Variants in BHLHE40 observed in about 807,000 individuals in gnomAD.
BHLHE40 encodes basic helix-loop-helix family member e40.
In BHLHE40, 3 loss-of-function variants were observed where a neutral mutation model predicts 35.7. That is an observed-to-expected ratio of 0.08 (90% CI 0.04 to 0.22). The LOEUF (loss-of-function observed/expected upper bound fraction) is 0.22, where lower values mean the gene tolerates loss of function less well. Among genes scored for constraint, BHLHE40 ranks in the 10% least tolerant of loss-of-function variants. The probability of loss-of-function intolerance (pLI) is 1.00; values close to 1 mark genes in which losing one functional copy is unlikely to be tolerated. For synonymous variants in BHLHE40, 236 were observed against 213.0 expected, an observed-to-expected ratio of 1.11 and a Z score of -0.94; for missense variants, 486 against 524.0, an observed-to-expected ratio of 0.93 and a Z score of 0.71.
rs1283194152 is a variant in BHLHE40 at position 4,979,442 on chromosome 3, C to CT, written c.-275dup. The CT allele has an allele frequency of 5.2e-6, 1 of 190,534 alleles. No homozygotes were observed. Among genetic ancestry groups the CT allele is most frequent in the African/African-American group, 2.4e-5 (1 of 40,960 alleles). 11.8% of individuals were successfully genotyped at this position (190,534 alleles called of 1,614,324 possible). ...CCCCGCCCGCCCCACTTCTCATTCA[C>CT]TTGGCTCGCACGGCGCAGACAGACC... On this transcript the variant is annotated 5_prime_UTR_variant, in exon 1 of 5. Coordinates refer to ENST00000256495, the MANE Select transcript of BHLHE40 (RefSeq NM_003670.3).
At position 4,983,846 on chromosome 3, in the gene BHLHE40, G is replaced by GTT; in HGVS notation, c.*155_*156insTT. 9.7e-7 allele frequency: 1 copy of GTT among 1,029,736 alleles called. No individual in the cohort carries two copies. Among genetic ancestry groups the GTT allele is most frequent in the Non-Finnish European group, 1.4e-6 (1 of 718,154 alleles). The allele number at this position is 1,029,736 out of a possible 1,614,324, so 63.8% of individuals were successfully genotyped here. A position where few individuals can be genotyped will look rare whatever the true frequency, so the allele number is the denominator to read the frequency against. On this transcript the variant is annotated 3_prime_UTR_variant, in exon 5 of 5. Coordinates refer to ENST00000256495, the MANE Select transcript of BHLHE40 (RefSeq NM_003670.3). The surrounding 1 kb of genome is among the most constrained non-coding windows in gnomAD (Gnocchi z 5.0). ...AGATTCAGGGTGTGTGTGTGTGTGTGTGTGTGTGTATGTGCGTGTGCGTGC... is the reference window on the plus strand; with the variant it reads ...AGATTCAGGGTGTGTGTGTGTGTGTGTTTGTGTGTGTATGTGCGTGTGCGTGC...
intron 3 of BHLHE40, 121 bp from the exon 4 acceptor site, chr3:4,981,266 TAAAAC>T: frequency 2.5e-6 from 3 of 1,223,616 alleles, no homozygotes; most frequent in Non-Finnish European, 3.4e-6. Context: ...CCTACAGACT[TAAAAC>T]AGCCAACCAG....
In BHLHE40 at chr3:4,983,381, C is replaced by G. The variant is rs141672087; in HGVS notation, c.928C>G (p.Pro310Ala). Residue 310 changes from proline (P) to alanine (A), a missense_variant, in exon 5 of 5, where the codon CCG (proline) becomes GCG (alanine). By Grantham distance (27) the Pro-to-Ala change is conservative. Coordinates refer to ENST00000256495, the MANE Select transcript of BHLHE40 (RefSeq NM_003670.3). This position sits in a 1 kb window ranked among gnomAD's most constrained non-coding sequence, Gnocchi z 5.0. ...CACTAGCAGTGACCTGATCAGCTCC[C>G]CGTTCCTGGGCCCACACCCACACCA... ...HFTSSDLISS[P>A]FLGPHPHQPP... The G allele has an allele frequency of 1.3e-5, 21 of 1,614,088 alleles. No homozygotes were observed. Among genetic ancestry groups the G allele is most frequent in the Non-Finnish European group, 1.7e-5 (20 of 1,180,052 alleles).
chr3:4,981,282 G>C, intron 3 of BHLHE40, 110 bp from the exon 4 acceptor site: 2 of 1,375,946 alleles, frequency 1.5e-6, no homozygotes, highest in Admixed American at 2.2e-5. Context: ...AGCCAACCAG[G>C]AAACACTATT....
chr3:4,982,114 T>C (rs1451703918), intron 4 of BHLHE40, among the ~76,000 whole-genome samples: 4 of 152,210 alleles, frequency 2.6e-5, no homozygotes, highest in Non-Finnish European at 4.4e-5. Context: ...TTCCAAATAA[T>C]ACTGTACAGA....
At chr3:4,980,264 T>TC in intron 2 of BHLHE40, 37 bp from the exon 3 acceptor site, 1 of 1,575,442 alleles carries the variant, frequency 6.3e-7, no homozygotes, top group Non-Finnish European at 8.7e-7. Context: ...CTCATCTCCT[T>TC]CCCCAAGCGC....
chr3:4,981,937 T>C (rs1470557280), intron 4 of BHLHE40, among the ~76,000 whole-genome samples: 3 of 152,248 alleles, frequency 2.0e-5, no homozygotes, highest in Non-Finnish European at 1.5e-5. Context: ...GGTGTGATCC[T>C]GGCAGGATAC....
chr3:4,980,107 T>A, intron 2 of BHLHE40, 76 bp downstream of exon 2: 1 of 1,522,978 alleles, frequency 6.6e-7, no homozygotes, highest in East Asian at 2.3e-5. Context: ...GTTTTCTCGC[T>A]TTGAGGTTGG....
In BHLHE40 at chr3:4,979,718, C is replaced by A; in HGVS notation, c.-1C>A. ...GCGCAGTGGCCCCGGCTCGCCGCGCCATGGAGCGGATCCCCAGCGCGCAAC... is the reference window on the plus strand; with the variant it reads ...GCGCAGTGGCCCCGGCTCGCCGCGCAATGGAGCGGATCCCCAGCGCGCAAC... On this transcript the variant is annotated 5_prime_UTR_variant, in exon 1 of 5. Coordinates refer to ENST00000256495, the MANE Select transcript of BHLHE40 (RefSeq NM_003670.3). 1 of 1,557,646 alleles carries A rather than the reference C, an allele frequency of 6.4e-7. No individual in the cohort carries two copies. Among genetic ancestry groups the A allele is most frequent in the Non-Finnish European group, 8.7e-7 (1 of 1,151,084 alleles).
In BHLHE40 at chr3:4,983,306, C is replaced by G; in HGVS notation, c.853C>G (p.Pro285Ala). ...IGAIKQESEEPPTKKNRMQLS... is the reference protein window; with the variant it reads ...IGAIKQESEEAPTKKNRMQLS... ...CGCAATTAAGCAAGAGTCCGAAGAA[C>G]CCCCCACAAAAAAGAACCGGATGCA... The change falls in exon 5 of 5, where the codon CCC (proline) becomes GCC (alanine). Residue 285 changes from proline to alanine, a missense_variant. Physicochemically the swap from Pro to Ala is conservative, Grantham distance 27. Coordinates refer to ENST00000256495, the MANE Select transcript of BHLHE40 (RefSeq NM_003670.3). The surrounding 1 kb of genome is among the most constrained non-coding windows in gnomAD (Gnocchi z 5.0). The G allele has an allele frequency of 6.2e-7, 1 of 1,614,162 alleles. No individual in the cohort carries two copies.
In BHLHE40 at chr3:4,983,961, G is replaced by A. The variant is rs560332970; in HGVS notation, c.*269G>A. 1.1e-5 allele frequency: 5 copies of A among 455,194 alleles called. No homozygotes were observed. In the Admixed American group the frequency reaches 1.2e-4, roughly 11 times the overall value. 28.2% of individuals were successfully genotyped at this position (455,194 alleles called of 1,614,324 possible). Reference sequence around the variant, plus strand: ...GATTGCTTGACATCAGGAGACTTGGGGGGGATTGTAGCAGACGTCTGGGCT... The same window carrying A: ...GATTGCTTGACATCAGGAGACTTGGAGGGGATTGTAGCAGACGTCTGGGCT... On this transcript the variant is annotated 3_prime_UTR_variant, in exon 5 of 5. Coordinates refer to ENST00000256495, the MANE Select transcript of BHLHE40 (RefSeq NM_003670.3). The surrounding 1 kb of genome is among the most constrained non-coding windows in gnomAD (Gnocchi z 5.0).
At position 4,983,179 on chromosome 3, in the gene BHLHE40, C is replaced by G. The variant is rs745431144; in HGVS notation, c.726C>G (p.Asp242Glu). ...AGAGCGGCAGCGACACGGACACAGA[C>G]AGTGGCTATGGAGGAGAATCGGAGA... ...GEQSGSDTDT[D>E]SGYGGESEKG... Residue 242 changes from aspartate to glutamate, a missense_variant, in exon 5 of 5, where the codon GAC (aspartate) becomes GAG (glutamate). Asp to Glu is a conservative substitution (Grantham distance 45). Transcript: ENST00000256495. This position sits in a 1 kb window ranked among gnomAD's most constrained non-coding sequence, Gnocchi z 5.0. 1 of 1,614,152 alleles carries G rather than the reference C, an allele frequency of 6.2e-7. No homozygotes were observed. The highest frequency in any genetic ancestry group is 8.5e-7 in the Non-Finnish European group (1 of 1,179,988).
Position 4,979,545 on chromosome 3 carries a change from C to G in BHLHE40, c.-174C>G. On this transcript the variant is annotated 5_prime_UTR_variant, in exon 1 of 5. Coordinates refer to ENST00000256495, the MANE Select transcript of BHLHE40 (RefSeq NM_003670.3). ...CGGGGACACCGGGCCATGCACGCCC[C>G]CAACTGAAGCTGCATCTCAAAGCCG... The G allele has an allele frequency of 1.5e-6, 1 of 679,952 alleles. No individual in the cohort carries two copies. The highest frequency in any genetic ancestry group is 1.9e-5 in the South Asian group (1 of 53,130). The allele number at this position is 679,952 out of a possible 1,614,324, so 42.1% of individuals were successfully genotyped here. A position where few individuals can be genotyped will look rare whatever the true frequency, so the allele number is the denominator to read the frequency against.
chr3:4,980,409 G>GT lies in BHLHE40; in HGVS notation c.258+2dup, dbSNP rs769004034. On this transcript the variant is annotated splice_donor_variant, in intron 3 of 4. Coordinates refer to ENST00000256495, the MANE Select transcript of BHLHE40 (RefSeq NM_003670.3). LOFTEE classifies it high-confidence loss of function. ...CCTACCCGAACATCTCAAACTTACA[G>GT]TAAGTGAGAAGCTGGCCCCTTTCCA... The GT allele has an allele frequency of 1.2e-6, 2 of 1,612,788 alleles. No homozygotes were observed. Among genetic ancestry groups the GT allele is most frequent in the Non-Finnish European group, 1.7e-6 (2 of 1,178,914 alleles).
chr3:4,982,418 C>G (rs1263812107), intron 4 of BHLHE40, among the ~76,000 whole-genome samples: 1 of 152,188 alleles, frequency 6.6e-6, no homozygotes, highest in Admixed American at 6.5e-5. Context: ...TTATAACTAT[C>G]CAGCCTCTGC....
chr3:4,979,698 G>A lies in BHLHE40; in HGVS notation c.-21G>A. The A allele has an allele frequency of 6.4e-7, 1 of 1,551,292 alleles. No homozygotes were observed. Among genetic ancestry groups the A allele is most frequent in the South Asian group, 1.2e-5 (1 of 84,166 alleles). ...CCGCTAGTGCAGACAGGAGCGCGCA[G>A]TGGCCCCGGCTCGCCGCGCCATGGA... On this transcript the variant is annotated 5_prime_UTR_variant, in exon 1 of 5. It adds an upstream start codon to the 5' untranslated region. Coordinates refer to ENST00000256495, the MANE Select transcript of BHLHE40 (RefSeq NM_003670.3).
chr3:4,982,788 C>T (rs746954581), intron 4 of BHLHE40, 48 bp from the exon 5 acceptor site: 33 of 1,605,982 alleles, frequency 2.1e-5, no homozygotes, highest in Non-Finnish European at 2.7e-5. Context: ...TTTCCAGGTG[C>T]GCCACAGGCC....
rs773058967 is a variant in BHLHE40, at chr3:4,983,282, G to A, written c.829G>A (p.Ala277Thr). The change falls in exon 5 of 5, where the codon GCA becomes ACA. Residue 277 changes from alanine to threonine, a missense_variant. Ala to Thr is a moderately conservative substitution (Grantham distance 58). This residue lies in a region of BHLHE40 where 206 missense variants were observed against 208.9 expected (regional missense o/e 0.99). Transcript: ENST00000256495. This position sits in a 1 kb window ranked among gnomAD's most constrained non-coding sequence, Gnocchi z 5.0. ...RRFTMGERIG[A>T]IKQESEEPPT... Reference sequence around the variant, plus strand: ...GTTCACGATGGGAGAAAGGATCGGCGCAATTAAGCAAGAGTCCGAAGAACC... The same window carrying A: ...GTTCACGATGGGAGAAAGGATCGGCACAATTAAGCAAGAGTCCGAAGAACC... 3.3e-5 allele frequency: 54 copies of A among 1,614,166 alleles called. No individual in the cohort carries two copies. The highest frequency in any genetic ancestry group is 1.6e-4 in the Middle Eastern group (1 of 6,062).
intron 4 of BHLHE40, among the ~76,000 whole-genome samples, chr3:4,982,272 G>C (rs2053204613): frequency 6.6e-6 from 1 of 152,180 alleles, no homozygotes; most frequent in Admixed American, 6.5e-5. Context: ...CTAATGTCTT[G>C]AGGATCATGG....
Sources: gnomAD v4.1 joint callset for allele counts (sites outside exome capture counted in the v4.1 genomes callset) on GRCh38, gnomAD v4.1.1 for gene constraint, gnomAD v4.1.1 regional missense constraint, Gnocchi (gnomAD v3.1) non-coding constraint, MANE v1.5 for transcripts, NCBI Gene and HGNC (gene_info 2026-07-23, HGNC 2026-07-21) for gene names.